Variants in YES1 observed in about 807,000 individuals in gnomAD.
YES1 encodes the protein YES proto-oncogene 1, Src family tyrosine kinase.
YES1 carries 39 observed loss-of-function variants against 70.4 expected under a neutral mutation model. The observed-to-expected ratio is 0.55, with a 90% CI of 0.43 to 0.72. YES1 has a LOEUF of 0.72. YES1 is among the 30% of genes least tolerant of loss of function. The probability of loss-of-function intolerance (pLI) is 0.00; values close to 1 mark genes in which losing one functional copy is unlikely to be tolerated. For synonymous variants in YES1, 198 were observed against 218.6 expected (o/e 0.91, Z 0.83); for missense variants, 495 against 644.8 (o/e 0.77, Z 2.52).
intron 1 of YES1, among the ~76,000 whole-genome samples, chr18:764,656 T>C (rs1471739698): frequency 6.6e-6 from 1 of 152,228 alleles, no homozygotes; most frequent in African/African-American, 2.4e-5. Context: ...ATTAATAATA[T>C]GTTTAAAGCT....
chr18:728,974 G>A (rs963933339), intron 11 of YES1, among the ~76,000 whole-genome samples: 2 of 152,168 alleles, frequency 1.3e-5, no homozygotes, highest in African/African-American at 4.8e-5. Context: ...CTGTGGGCTA[G>A]TATTTTGTTT....
rs952181168 is a variant in YES1, at chr18:742,970, A to T, written c.1008T>A (p.Tyr336Ter). 17 of 1,609,358 alleles carry T rather than the reference A, an allele frequency of 1.1e-5. No homozygotes were observed. The highest frequency in any genetic ancestry group is 1.4e-5 in the Non-Finnish European group (17 of 1,179,098). The change falls in exon 8 of 12, where the codon TAT becomes TAA. Residue 336 changes from tyrosine (Y) to a stop codon, truncating the protein, a stop_gained. Coordinates refer to ENST00000314574, the MANE Select transcript of YES1 (RefSeq NM_005433.4). LOFTEE classifies it high-confidence loss of function. Reference sequence around the variant, plus strand: ...AAATTGGTTCTTCAGAAACAACAGCATATAGTGGAACAAGTTTATCATGTC... The same window carrying T: ...AAATTGGTTCTTCAGAAACAACAGCTTATAGTGGAACAAGTTTATCATGTC... ...KLRHDKLVPL[Y>*]AVVSEEPIYI...
intron 11 of YES1, among the ~76,000 whole-genome samples, chr18:724,915 C>CA (rs1178380943): frequency 3.9e-5 from 6 of 152,116 alleles, no homozygotes; most frequent in African/African-American, 1.4e-4. Context: ...ATTTAGGGTG[C>CA]TACTATGAGG....
chr18:733,903 T>A (rs995411498), intron 10 of YES1, among the ~76,000 whole-genome samples: 4 of 152,138 alleles, frequency 2.6e-5, no homozygotes, highest in African/African-American at 9.7e-5. Context: ...TTGTAGATAG[T>A]GTTTTAAAAC....
intron 8 of YES1, 101 bp downstream of exon 8, chr18:742,817 A>C: frequency 1.1e-6 from 1 of 941,352 alleles, no homozygotes; most frequent in Non-Finnish European, 1.5e-6. Context: ...ATGTCTACAT[A>C]AAAATCTTAA....
At chr18:784,080 C>T (rs556492739) in intron 1 of YES1, among the ~76,000 whole-genome samples, 1 of 152,260 alleles carries the variant, frequency 6.6e-6, no homozygotes, top group Non-Finnish European at 1.5e-5. Context: ...CATTTTAACA[C>T]ACATGTTGTC....
At chr18:791,827 G>C (rs759815803) in intron 1 of YES1, among the ~76,000 whole-genome samples, 16 of 152,114 alleles carry the variant, frequency 1.1e-4, no homozygotes, top group Non-Finnish European at 1.6e-4. Flanking sequence ...GGCTGAGGCA[G>C]GTGGATTACT....
At chr18:792,287 G>C (rs1295633575) in intron 1 of YES1, among the ~76,000 whole-genome samples, 3 of 152,052 alleles carry the variant, frequency 2.0e-5, no homozygotes, top group African/African-American at 7.2e-5. Context: ...CTGGATGACA[G>C]AGTGAGACTT....
intron 10 of YES1, among the ~76,000 whole-genome samples, chr18:735,584 C>T (rs1228597441): frequency 6.6e-6 from 1 of 151,496 alleles, no homozygotes; most frequent in Admixed American, 6.6e-5. Flanking sequence ...TGTGGTGGTA[C>T]GAGCCTGTAA....
At chr18:746,903 T>C (rs536552055) in intron 4 of YES1, among the ~76,000 whole-genome samples, 1 of 152,290 alleles carries the variant, frequency 6.6e-6, no homozygotes, top group East Asian at 1.9e-4. Context: ...TACATATGTA[T>C]GTGTGTGCAT....
chr18:768,821 G>C (rs970176498), intron 1 of YES1, among the ~76,000 whole-genome samples: 2 of 152,176 alleles, frequency 1.3e-5, no homozygotes, highest in Non-Finnish European at 2.9e-5. Context: ...TCGTGCCTCA[G>C]CCTCCCGAGT....
In YES1 at chr18:739,947, G is replaced by A. The variant is rs2080198470; in HGVS notation, c.1061-136C>T. The A allele has an allele frequency of 6.0e-6, 4 of 670,040 alleles. No individual in the cohort carries two copies. In the South Asian group the frequency reaches 8.5e-5, roughly 14 times the overall value. 41.5% of individuals were successfully genotyped at this position (670,040 alleles called of 1,614,324 possible). ...TTTTTAAATTTTGTGCAGTTTTGCAGTTTCCAAATAATTATCTAGGTCCTA... is the reference window on the plus strand; with the variant it reads ...TTTTTAAATTTTGTGCAGTTTTGCAATTTCCAAATAATTATCTAGGTCCTA... On this transcript the variant is annotated intron_variant, in intron 8 of 11. Transcript: ENST00000314574.
intron 3 of YES1, among the ~76,000 whole-genome samples, chr18:751,098 A>T (rs2080336719): frequency 1.3e-5 from 2 of 152,236 alleles, no homozygotes; most frequent in Admixed American, 6.5e-5. Flanking sequence ...AACTGGTAGC[A>T]GATGGGAACA....
intron 7 of YES1, 45 bp from the exon 8 acceptor site, chr18:743,142 T>C (rs2145706623): frequency 6.5e-7 from 1 of 1,548,520 alleles, no homozygotes. Context: ...TAAAGGATTT[T>C]AGACCAAACT....
intron 1 of YES1, among the ~76,000 whole-genome samples, chr18:767,055 CTG>C (rs1904944995): frequency 1.5e-5 from 1 of 68,500 alleles, no homozygotes; most frequent in Non-Finnish European, 2.9e-5. Flanking sequence ...ACATGTTCAT[CTG>C]TAAGTCTGAA....
Position 756,644 on chromosome 18 carries a change from A to G in YES1, c.184T>C (p.Phe62Leu). Residue 62 changes from phenylalanine (F) to leucine (L), a missense_variant, in exon 2 of 12, where the codon TTT (phenylalanine) becomes CTT (leucine). Phe to Leu is a conservative substitution (Grantham distance 22). Coordinates refer to ENST00000314574, the MANE Select transcript of YES1 (RefSeq NM_005433.4). ...VNFSSLSMTP[F>L]GGSSGVTPFG... is the part of the protein sequence containing the mutation. Reference sequence around the variant, plus strand: ...GGCGTTACCCCTGAGGATCCTCCAAATGGTGTCATGGAAAGACTGCTGAAA... The same window carrying G: ...GGCGTTACCCCTGAGGATCCTCCAAGTGGTGTCATGGAAAGACTGCTGAAA... The G allele has an allele frequency of 6.2e-7, 1 of 1,614,144 alleles. No individual in the cohort carries two copies. The highest frequency in any genetic ancestry group is 2.2e-5 in the East Asian group (1 of 44,870).
intron 1 of YES1, among the ~76,000 whole-genome samples, chr18:773,460 C>G (rs1042919867): frequency 6.6e-5 from 10 of 152,104 alleles, no homozygotes; most frequent in African/African-American, 2.4e-4. Flanking sequence ...CTTGTCACCC[C>G]CTAAAAGAAG....
At chr18:740,529 T>C (rs938592008) in intron 8 of YES1, among the ~76,000 whole-genome samples, 2 of 152,182 alleles carry the variant, frequency 1.3e-5, no homozygotes, top group African/African-American at 4.8e-5. Flanking sequence ...GTTGGTGGAC[T>C]GGTCCAGAGC....
At chr18:782,052 T>A (rs1442774577) in intron 1 of YES1, among the ~76,000 whole-genome samples, 1 of 152,176 alleles carries the variant, frequency 6.6e-6, no homozygotes, top group East Asian at 1.9e-4. Context: ...GGTCTTTCCA[T>A]CACTTCCCTT....
Sources: allele counts gnomAD v4.1 joint callset (sites outside exome capture counted in the v4.1 genomes callset), GRCh38; gene constraint gnomAD v4.1.1; transcripts MANE v1.5; gene names NCBI Gene and HGNC (gene_info 2026-07-23, HGNC 2026-07-21).